The following CD59 variants were observed in gnomAD, a reference collection of about 807,000 sequenced individuals.
CD59 encodes CD59 glycoprotein.
CD59 carries 3 observed loss-of-function variants against 7.0 expected under a neutral mutation model. The ratio of observed to expected loss-of-function variants is 0.43; its 90% CI spans 0.19 to 1.10. The LOEUF is 1.10. Ranked by LOEUF, CD59 falls within the 50% of genes least tolerant of loss-of-function variation. CD59 has a pLI of 0.29. For synonymous variants in CD59, 60 were observed against 62.0 expected, an observed-to-expected ratio of 0.97 and a Z score of 0.15; for missense variants, 143 against 151.0, an observed-to-expected ratio of 0.95 and a Z score of 0.28.
At chr11:33,724,158 C>A (rs57867058) in intron 1 of CD59, among the ~76,000 whole-genome samples, 3 of 152,110 alleles carry the variant, frequency 2.0e-5, no homozygotes, top group African/African-American at 7.2e-5. Flanking sequence ...GGCATCCCCA[C>A]GGAAGGAGGA....
intron 3 of CD59, among the ~76,000 whole-genome samples, chr11:33,715,930 C>A (rs147312157): frequency 6.6e-6 from 1 of 152,204 alleles, no homozygotes; most frequent in Non-Finnish European, 1.5e-5. Context: ...TTGCCCTTAT[C>A]GTCTCATTTG....
chr11:33,710,584 A>G (rs1484798681), intron 3 of CD59, among the ~76,000 whole-genome samples: 1 of 152,228 alleles, frequency 6.6e-6, no homozygotes, highest in African/African-American at 2.4e-5. Flanking sequence ...GGGACGGAGG[A>G]GGAACAGGCA....
intron 1 of CD59, among the ~76,000 whole-genome samples, chr11:33,734,836 A>G (rs1854519296): frequency 6.6e-6 from 1 of 152,228 alleles, no homozygotes; most frequent in Non-Finnish European, 1.5e-5. Context: ...GAGGTGGCCC[A>G]GAATTTTCCA....
chr11:33,723,054 G>A (rs770342045), intron 1 of CD59: 12 of 730,132 alleles, frequency 1.6e-5, no homozygotes, highest in Non-Finnish European at 2.0e-5. Flanking sequence ...ATAGCATCAG[G>A]TGAGAAGAAG....
At chr11:33,729,640 A>G (rs1368488702) in intron 1 of CD59, among the ~76,000 whole-genome samples, 1 of 152,090 alleles carries the variant, frequency 6.6e-6, no homozygotes, top group Non-Finnish European at 1.5e-5. Flanking sequence ...CATTGTGCAC[A>G]TGTACCCCAG....
chr11:33,719,792 CTTTG>C (rs2133551590), intron 2 of CD59, among the ~76,000 whole-genome samples: 1 of 152,348 alleles, frequency 6.6e-6, no homozygotes, highest in East Asian at 1.9e-4. Flanking sequence ...ATCCACCAGG[CTTTG>C]TTTGTTCTCC....
At chr11:33,727,059 G>A (rs1438389190) in intron 1 of CD59, among the ~76,000 whole-genome samples, 3 of 152,124 alleles carry the variant, frequency 2.0e-5, no homozygotes, top group African/African-American at 7.2e-5. Context: ...AAAAGTCCAG[G>A]ACCAGATGGA....
At chr11:33,716,240 T>G (rs1006035391) in intron 3 of CD59, among the ~76,000 whole-genome samples, 5 of 152,210 alleles carry the variant, frequency 3.3e-5, no homozygotes, top group Non-Finnish European at 5.9e-5. Flanking sequence ...ATGCCCCTGT[T>G]TTTTTAGACA....
chr11:33,734,743 TA>T (rs925314879), intron 1 of CD59, among the ~76,000 whole-genome samples: 12 of 152,202 alleles, frequency 7.9e-5, no homozygotes, highest in African/African-American at 2.9e-4. Context: ...AGGACATAAG[TA>T]AAAAGAAGTC....
chr11:33,710,401 T>A, intron 3 of CD59, 58 bp from the exon 4 acceptor site: 1 of 1,313,440 alleles, frequency 7.6e-7, no homozygotes, highest in Non-Finnish European at 1.1e-6. Flanking sequence ...TGTATCTGCT[T>A]TTGAATCCTC....
intron 3 of CD59, among the ~76,000 whole-genome samples, chr11:33,715,248 ACCAAACTGTCAT>A (rs2133538501): frequency 6.6e-6 from 1 of 152,302 alleles, no homozygotes; most frequent in East Asian, 1.9e-4. Flanking sequence ...GTAATAAACT[ACCAAACTGTCAT>A]CCACAGTAGC....
At position 33,717,936 on chromosome 11, in the gene CD59, A is replaced by C. The variant is rs114596270; in HGVS notation, c.68-465T>G. Reference sequence around the variant, plus strand: ...AATATGTAAAATGTCATCACAGATTAGTATTAATAGATGAACATCTGCAAT... The same window carrying C: ...AATATGTAAAATGTCATCACAGATTCGTATTAATAGATGAACATCTGCAAT... On this transcript the variant is annotated intron_variant, in intron 2 of 3. Coordinates refer to ENST00000642928, the MANE Select transcript of CD59 (RefSeq NM_000611.6). The C allele has an allele frequency of 9.5e-4, 214 of 224,888 alleles. 1 individual carries two copies. Among genetic ancestry groups the C allele is most frequent in the African/African-American group, 4.7e-3 (207 of 43,866 alleles). 13.9% of individuals were successfully genotyped at this position (224,888 alleles called of 1,614,324 possible). A position where few individuals can be genotyped will look rare whatever the true frequency, so the allele number is the denominator to read the frequency against.
At chr11:33,732,946 G>A (rs1056476672) in intron 1 of CD59, among the ~76,000 whole-genome samples, 1 of 152,170 alleles carries the variant, frequency 6.6e-6, no homozygotes. Context: ...AGAGGAAGAA[G>A]GTAGCAGAGT....
intron 2 of CD59, chr11:33,717,957 G>C: frequency 5.0e-6 from 1 of 198,534 alleles, no homozygotes. Context: ...ATGAACATCT[G>C]CAATTGATTT....
At chr11:33,722,652 TC>T in intron 1 of CD59, 189 bp from the exon 2 acceptor site, 1 of 1,438,194 alleles carries the variant, frequency 7.0e-7, no homozygotes, top group Middle Eastern at 2.3e-4. Context: ...GTAGGCTCAG[TC>T]CCTATAAGCC....
intron 1 of CD59, among the ~76,000 whole-genome samples, chr11:33,735,816 T>G (rs1854552520): frequency 6.6e-6 from 1 of 151,792 alleles, no homozygotes; most frequent in Non-Finnish European, 1.5e-5. Context: ...CTCAGGAGGC[T>G]GTGGCAGGAG....
Position 33,703,121 on chromosome 11 carries a change from C to G in CD59, c.*7005G>C, listed in dbSNP as rs1853164045. ...ATTACAGATTTTTTCCCCCTTACTC[C>G]AAGATAATCTAAACAGATTTTACTC... On this transcript the variant is annotated 3_prime_UTR_variant, in exon 4 of 4. Coordinates refer to ENST00000642928, the MANE Select transcript of CD59 (RefSeq NM_000611.6). 6.6e-6 allele frequency: 1 copy of G among 152,062 alleles called. No homozygotes were observed. Among genetic ancestry groups the G allele is most frequent in the Non-Finnish European group, 1.5e-5 (1 of 68,036 alleles). The allele number at this position is 152,062 out of a possible 1,614,324, so 9.4% of individuals were successfully genotyped here.
intron 2 of CD59, 96 bp from the exon 3 acceptor site, chr11:33,717,567 C>T (rs531985369): frequency 8.6e-5 from 65 of 754,270 alleles, no homozygotes; most frequent in Admixed American, 4.6e-4. Context: ...AAGTCAGCAA[C>T]TTGTGGTATA....
At chr11:33,716,123 G>C (rs7131663) in intron 3 of CD59, among the ~76,000 whole-genome samples, 55,141 of 152,038 alleles carry the variant, frequency 0.36, 10,712 homozygotes, top group African/African-American at 0.48. Context: ...AGGGACTGGT[G>C]CCCTACAGAA....
Sources: gnomAD v4.1 joint callset for allele counts (sites outside exome capture counted in the v4.1 genomes callset) on GRCh38, gnomAD v4.1.1 for gene constraint, MANE v1.5 for transcripts, NCBI Gene and HGNC (gene_info 2026-07-23, HGNC 2026-07-21) for gene names.